Variants in AXDND1 observed in about 807,000 individuals in gnomAD.
AXDND1 encodes the protein axonemal dynein light chain domain-containing protein 1.
A neutral mutation model predicts 137.5 loss-of-function variants in AXDND1; 110 were observed. That is an observed-to-expected ratio of 0.80 (90% CI 0.69 to 0.94). The LOEUF (loss-of-function observed/expected upper bound fraction) is 0.94. Among genes scored for constraint, AXDND1 ranks in the 40% least tolerant of loss-of-function variants. The pLI, the probability that AXDND1 is intolerant of heterozygous loss-of-function variation, is 0.00. For synonymous variants in AXDND1, 414 were observed against 399.7 expected, an observed-to-expected ratio of 1.04 and a Z score of -0.43; for missense variants, 1,191 against 1,169.8, an observed-to-expected ratio of 1.02 and a Z score of -0.26.
At chr1:179,444,376 C>A (rs1659430192) in intron 15 of AXDND1, among the ~76,000 whole-genome samples, 1 of 152,124 alleles carries the variant, frequency 6.6e-6, no homozygotes, top group Non-Finnish European at 1.5e-5. Context: ...AAAGTTCTTA[C>A]TCCTAATTGC....
At chr1:179,396,644 AG>A (rs1275159290) in intron 11 of AXDND1, among the ~76,000 whole-genome samples, 1 of 151,232 alleles carries the variant, frequency 6.6e-6, no homozygotes, top group Non-Finnish European at 1.5e-5. Context: ...CGACAGAGCA[AG>A]ACTCCATCTC....
At chr1:179,491,419 G>T in intron 18 of AXDND1, 119 bp from the exon 19 acceptor site, 2 of 684,486 alleles carry the variant, frequency 2.9e-6, no homozygotes, top group South Asian at 2.0e-5. Flanking sequence ...ATTTCATTAA[G>T]AATTATAATG....
intron 18 of AXDND1, among the ~76,000 whole-genome samples, chr1:179,488,608 CTTTCTTTCTT>C (rs1666357359): frequency 1.0e-5 from 1 of 99,594 alleles, no homozygotes; most frequent in African/African-American, 3.7e-5. Context: ...CTTTCTTTTT[CTTTCTTTCTT>C]TCTCTCTCTC....
At chr1:179,441,941 C>T (rs1267799153) in intron 15 of AXDND1, among the ~76,000 whole-genome samples, 1 of 152,200 alleles carries the variant, frequency 6.6e-6, no homozygotes, top group East Asian at 1.9e-4. Flanking sequence ...AGACGCATAG[C>T]ACCAAACACA....
intron 20 of AXDND1, among the ~76,000 whole-genome samples, chr1:179,508,894 A>G (rs1446401828): frequency 1.3e-5 from 2 of 152,222 alleles, no homozygotes; most frequent in Non-Finnish European, 2.9e-5. Flanking sequence ...TAATATATGC[A>G]TAATGCTTAG....
chr1:179,378,394 T>G (rs1171947305), intron 4 of AXDND1, among the ~76,000 whole-genome samples: 2 of 152,036 alleles, frequency 1.3e-5, no homozygotes, highest in African/African-American at 4.8e-5. Context: ...TATTTTAACC[T>G]CATACTGAAG....
At chr1:179,508,084 G>A (rs1020157771) in intron 20 of AXDND1, among the ~76,000 whole-genome samples, 1 of 152,064 alleles carries the variant, frequency 6.6e-6, no homozygotes, top group African/African-American at 2.4e-5. Flanking sequence ...AAGAAATCTG[G>A]GCCAGGTACA....
At chr1:179,462,602 A>T (rs1379580458) in intron 16 of AXDND1, among the ~76,000 whole-genome samples, 1 of 152,104 alleles carries the variant, frequency 6.6e-6, no homozygotes, top group Non-Finnish European at 1.5e-5. Context: ...TATTGATTGG[A>T]ATAGTTTCAG....
chr1:179,463,773 T>G (rs567815117), intron 16 of AXDND1, among the ~76,000 whole-genome samples: 123 of 152,282 alleles, frequency 8.1e-4, no homozygotes, highest in African/African-American at 2.8e-3. Flanking sequence ...TGTAGGTCTC[T>G]AAGGACTTGC....
intron 25 of AXDND1, among the ~76,000 whole-genome samples, chr1:179,549,309 G>A (rs1672965393): frequency 6.6e-6 from 1 of 152,098 alleles, no homozygotes; most frequent in South Asian, 2.1e-4. Context: ...CAGTTTTATA[G>A]CAACTTATCG....
intron 16 of AXDND1, chr1:179,449,299 A>T (rs932059004): frequency 3.2e-6 from 1 of 315,874 alleles, no homozygotes; most frequent in African/African-American, 2.3e-5. Context: ...CCTCCATTTA[A>T]TAGTCTTGGC....
intron 11 of AXDND1, among the ~76,000 whole-genome samples, chr1:179,404,917 T>TA (rs752042403): frequency 4.3e-4 from 65 of 151,592 alleles, no homozygotes; most frequent in Middle Eastern, 3.4e-3. Context: ...TTTTTTTTTT[T>TA]AATTATACTT....
At chr1:179,535,775 TC>T (rs1671494642) in intron 25 of AXDND1, among the ~76,000 whole-genome samples, 1 of 152,196 alleles carries the variant, frequency 6.6e-6, no homozygotes, top group Non-Finnish European at 1.5e-5. Context: ...TAATTCTAGT[TC>T]TAGATCCTTG....
intron 16 of AXDND1, chr1:179,449,577 G>A (rs1419069821): frequency 6.5e-6 from 1 of 152,774 alleles, no homozygotes; most frequent in Non-Finnish European, 1.5e-5. Context: ...TAGGGATTAT[G>A]TTGCATCTGT....
chr1:179,491,929 G>A (rs78866587), intron 19 of AXDND1, among the ~76,000 whole-genome samples, 192 bp downstream of exon 19: 3 of 152,164 alleles, frequency 2.0e-5, no homozygotes, highest in African/African-American at 4.8e-5. Flanking sequence ...AAAACTGTTG[G>A]CACGGGCAGG....
At chr1:179,489,373 C>A (rs1666581649) in intron 18 of AXDND1, among the ~76,000 whole-genome samples, 1 of 152,108 alleles carries the variant, frequency 6.6e-6, no homozygotes, top group African/African-American at 2.4e-5. Flanking sequence ...AAGATAATAA[C>A]ATCTATTTGT....
intron 16 of AXDND1, among the ~76,000 whole-genome samples, chr1:179,461,814 T>C (rs1178738244): frequency 1.3e-5 from 2 of 152,198 alleles, no homozygotes; most frequent in African/African-American, 4.8e-5. Flanking sequence ...TTTGAAGCAA[T>C]TGTGAGTGGG....
intron 12 of AXDND1, among the ~76,000 whole-genome samples, chr1:179,416,349 G>C (rs897832574): frequency 6.6e-6 from 1 of 152,136 alleles, no homozygotes; most frequent in East Asian, 1.9e-4. Context: ...TGGGCACTTA[G>C]GTTGATTGCA....
In AXDND1 at chr1:179,533,816, A is replaced by G. The variant is rs538552625; in HGVS notation, c.2737A>G (p.Thr913Ala). The G allele has an allele frequency of 8.7e-6, 14 of 1,613,042 alleles. No homozygotes were observed. In the South Asian group the frequency reaches 1.5e-4, roughly 18 times the overall value. Residue 913 changes from threonine to alanine, a missense_variant, in exon 24 of 26, where the codon ACA becomes GCA. Physicochemically the swap from Thr to Ala is moderately conservative, Grantham distance 58. Coordinates refer to ENST00000367618, the MANE Select transcript of AXDND1 (RefSeq NM_144696.6). ...SSWRESAKQG[T>A]LAQKYLEAMA... ...TCAGAGAGAGTCAGCTAAGCAAGGT[A>G]CATTGGCCCAAAAATATCTTGAAGC...
Sources: allele counts gnomAD v4.1 joint callset (sites outside exome capture counted in the v4.1 genomes callset), GRCh38; gene constraint gnomAD v4.1.1; transcripts MANE v1.5; gene names NCBI Gene and HGNC (gene_info 2026-07-23, HGNC 2026-07-21).